The following CPED1 variants were observed in gnomAD, a reference collection of about 807,000 sequenced individuals.
CPED1 encodes the protein cadherin-like and PC-esterase domain-containing protein 1.
Under a neutral mutation model 128.2 loss-of-function variants are expected in CPED1, and 114 were observed. That is an observed-to-expected ratio of 0.89 (90% CI 0.76 to 1.04). CPED1 has a LOEUF of 1.04. CPED1 is among the 50% of genes least tolerant of loss of function. The pLI, the probability that CPED1 is intolerant of heterozygous loss-of-function variation, is 0.00. For synonymous variants in CPED1, 462 were observed against 426.7 expected (o/e 1.08, Z -1.02); for missense variants, 1,211 against 1,207.1 (o/e 1.00, Z -0.05).
intron 13 of CPED1, among the ~76,000 whole-genome samples, chr7:121,134,210 A>C (rs905399502): frequency 1.4e-4 from 21 of 152,100 alleles, no homozygotes; most frequent in Non-Finnish European, 2.9e-4. Context: ...GGATAAAGAA[A>C]ATGGGGGTGT....
At chr7:121,180,144 C>G (rs528813977) in intron 16 of CPED1, among the ~76,000 whole-genome samples, 3 of 152,102 alleles carry the variant, frequency 2.0e-5, no homozygotes, top group African/African-American at 7.2e-5. Flanking sequence ...TGATAGGTAG[C>G]TTTCTTCCTG....
chr7:121,075,760 A>C (rs535628009), intron 5 of CPED1, among the ~76,000 whole-genome samples: 1 of 152,222 alleles, frequency 6.6e-6, no homozygotes, highest in African/African-American at 2.4e-5. Context: ...GCATGATAGT[A>C]AGTGATGAAA....
chr7:121,210,752 A>T (rs1797624741), intron 16 of CPED1, among the ~76,000 whole-genome samples: 1 of 151,954 alleles, frequency 6.6e-6, no homozygotes, highest in African/African-American at 2.4e-5. Flanking sequence ...ATAGCACGAG[A>T]GTGACTACAG....
chr7:121,131,672 T>G (rs1027436033), intron 12 of CPED1, among the ~76,000 whole-genome samples: 1 of 151,928 alleles, frequency 6.6e-6, no homozygotes, highest in Non-Finnish European at 1.5e-5. Context: ...ATGGTCAGTG[T>G]TGAGTATAGT....
chr7:121,181,676 C>G (rs1796899381), intron 16 of CPED1, among the ~76,000 whole-genome samples: 1 of 152,034 alleles, frequency 6.6e-6, no homozygotes, highest in Admixed American at 6.6e-5. Flanking sequence ...GAATAGATTT[C>G]TAACATTTTA....
intron 2 of CPED1, among the ~76,000 whole-genome samples, chr7:120,994,619 G>A (rs566156144): frequency 7.1e-6 from 1 of 140,318 alleles, no homozygotes; most frequent in Non-Finnish European, 1.5e-5. Flanking sequence ...CAAAGTATTT[G>A]TTATACTGTG....
intron 16 of CPED1, among the ~76,000 whole-genome samples, chr7:121,175,741 A>G (rs1584570522): frequency 6.6e-6 from 1 of 152,250 alleles, no homozygotes; most frequent in East Asian, 1.9e-4. Context: ...AGTTAAAATA[A>G]ACTTTGAATT....
chr7:121,124,282 C>T, intron 7 of CPED1, 49 bp from the exon 8 acceptor site: 1 of 1,525,820 alleles, frequency 6.6e-7, no homozygotes, highest in Non-Finnish European at 8.8e-7. Flanking sequence ...AAATGATAGA[C>T]AAACTGAGGC....
intron 7 of CPED1, among the ~76,000 whole-genome samples, chr7:121,105,024 G>A (rs2116241685): frequency 6.6e-6 from 1 of 152,132 alleles, no homozygotes; most frequent in East Asian, 1.9e-4. Context: ...AGATTTGTAA[G>A]TTCTAAATCA....
At chr7:121,110,664 G>A (rs1795087263) in intron 7 of CPED1, among the ~76,000 whole-genome samples, 1 of 152,182 alleles carries the variant, frequency 6.6e-6, no homozygotes. Context: ...AAAGGCAAGA[G>A]CCCAATCACA....
intron 16 of CPED1, among the ~76,000 whole-genome samples, chr7:121,152,262 A>G (rs1044615946): frequency 2.0e-5 from 3 of 152,014 alleles, no homozygotes; most frequent in Admixed American, 1.3e-4. Flanking sequence ...ACCCCTCCAC[A>G]TGCTTGAAGA....
rs1794192900 is a variant in CPED1, at chr7:121,078,494, GAAAGAAAAAAA to G, written c.616+14185_616+14195del. ...GATCCTGTCTCTGGAAAGAAAGAAA[GAAAGAAAAAAA>G]AAAAAAAAAAAAAAAAAAAAGACTT... On this transcript the variant is annotated intron_variant, in intron 5 of 22. Coordinates refer to ENST00000310396, the MANE Select transcript of CPED1 (RefSeq NM_024913.5). Among the ~76,000 whole-genome samples, 129 of 39,558 alleles carry G rather than the reference GAAAGAAAAAAA, an allele frequency of 3.3e-3. 1 individual carries two copies. The highest frequency in any genetic ancestry group is 7.8e-3 in the African/African-American group (127 of 16,356). The allele number at this position is 39,558 out of a possible 152,430, so 26.0% of individuals were successfully genotyped here.
intron 16 of CPED1, among the ~76,000 whole-genome samples, chr7:121,153,234 A>G (rs1008219950): frequency 4.6e-5 from 7 of 152,220 alleles, no homozygotes; most frequent in Non-Finnish European, 1.0e-4. Context: ...TCTCTAAAAA[A>G]TACTATTATT....
intron 16 of CPED1, among the ~76,000 whole-genome samples, chr7:121,192,879 A>G (rs1478939178): frequency 6.6e-6 from 1 of 152,182 alleles, no homozygotes; most frequent in African/African-American, 2.4e-5. Context: ...TCTGTTGAGG[A>G]GAAGCAGAGC....
chr7:121,053,491 T>A (rs1191974338), intron 4 of CPED1, among the ~76,000 whole-genome samples: 2 of 152,236 alleles, frequency 1.3e-5, no homozygotes, highest in African/African-American at 4.8e-5. Flanking sequence ...GCATATGATG[T>A]CCTTGTCTCT....
intron 18 of CPED1, among the ~76,000 whole-genome samples, chr7:121,259,154 G>T (rs1791953746): frequency 6.6e-6 from 1 of 151,960 alleles, no homozygotes. Flanking sequence ...GACTGTACTT[G>T]CAAATAGAAG....
At chr7:121,148,571 A>G (rs555383706) in intron 16 of CPED1, among the ~76,000 whole-genome samples, 1 of 152,296 alleles carries the variant, frequency 6.6e-6, no homozygotes, top group East Asian at 1.9e-4. Context: ...CTGACTTCAA[A>G]TTGAGGAAGA....
chr7:121,266,671 A>C (rs1455564743), intron 19 of CPED1, 36 bp from the exon 20 acceptor site: 3 of 1,512,046 alleles, frequency 2.0e-6, no homozygotes, highest in Non-Finnish European at 2.8e-6. Context: ...CTTCTGTTTT[A>C]GGGCAACATG....
chr7:121,285,013 A>G (rs1371617618), intron 22 of CPED1, among the ~76,000 whole-genome samples: 1 of 152,204 alleles, frequency 6.6e-6, no homozygotes, highest in East Asian at 1.9e-4. Context: ...CCGCCCCTGC[A>G]GCAAACTTCT....
Sources: allele counts gnomAD v4.1 joint callset (sites outside exome capture counted in the v4.1 genomes callset), GRCh38; gene constraint gnomAD v4.1.1; transcripts MANE v1.5; gene names NCBI Gene and HGNC (gene_info 2026-07-23, HGNC 2026-07-21).